CNTN1: variants seen among roughly 807,000 people sequenced by gnomAD.
CNTN1 encodes the protein contactin-1.
A neutral mutation model predicts 126.4 loss-of-function variants in CNTN1; 38 were observed. The ratio of observed to expected loss-of-function variants is 0.30; its 90% CI spans 0.23 to 0.39. The LOEUF (loss-of-function observed/expected upper bound fraction) is 0.39, where lower values mean the gene tolerates loss of function less well. CNTN1 is among the 10% of genes least tolerant of loss of function. CNTN1 has a pLI of 1.00. For synonymous variants in CNTN1, 413 were observed against 422.6 expected, an observed-to-expected ratio of 0.98 and a Z score of 0.28; for missense variants, 1,009 against 1,248.4, an observed-to-expected ratio of 0.81 and a Z score of 2.89.
chr12:41,032,723 G>T (rs112375944), intron 23 of CNTN1, among the ~76,000 whole-genome samples: 12 of 152,114 alleles, frequency 7.9e-5, no homozygotes, highest in Admixed American at 5.9e-4. Context: ...TTATATCATA[G>T]CACTGTTTAC....
chr12:40,912,807 T>C (rs1272117121), intron 3 of CNTN1, among the ~76,000 whole-genome samples: 1 of 152,222 alleles, frequency 6.6e-6, no homozygotes, highest in African/African-American at 2.4e-5. Flanking sequence ...ATTGACATTT[T>C]ATAGCAGTCA....
chr12:41,033,646 T>G (rs1278891810), intron 23 of CNTN1, among the ~76,000 whole-genome samples: 1 of 152,136 alleles, frequency 6.6e-6, no homozygotes, highest in African/African-American at 2.4e-5. Flanking sequence ...TTTTCTCACT[T>G]GGAAAATCAT....
At chr12:40,865,043 G>A (rs1485648510) in intron 1 of CNTN1, among the ~76,000 whole-genome samples, 1 of 152,144 alleles carries the variant, frequency 6.6e-6, no homozygotes, top group Non-Finnish European at 1.5e-5. Flanking sequence ...TGGGTGTGAA[G>A]TAATAGTTTA....
intron 1 of CNTN1, among the ~76,000 whole-genome samples, chr12:40,761,823 T>G (rs2136417482): frequency 6.6e-6 from 1 of 152,314 alleles, no homozygotes; most frequent in South Asian, 2.1e-4. Flanking sequence ...TAGGCTAAAC[T>G]TCTAAGCTTA....
intron 1 of CNTN1, among the ~76,000 whole-genome samples, chr12:40,866,567 C>T (rs1338424009): frequency 6.6e-6 from 1 of 152,000 alleles, no homozygotes; most frequent in African/African-American, 2.4e-5. Context: ...GCAGGGTGAT[C>T]ATATGGTTTT....
At chr12:41,016,372 G>A (rs1050821914) in intron 18 of CNTN1, among the ~76,000 whole-genome samples, 3 of 152,106 alleles carry the variant, frequency 2.0e-5, no homozygotes, top group Non-Finnish European at 4.4e-5. Context: ...ATTTTACCTC[G>A]GGAAAGTGAG....
chr12:40,787,480 A>G (rs1189298896), intron 1 of CNTN1, among the ~76,000 whole-genome samples: 2 of 152,166 alleles, frequency 1.3e-5, no homozygotes, highest in Non-Finnish European at 2.9e-5. Flanking sequence ...TGGATTTTTA[A>G]TAACTTCTAG....
intron 1 of CNTN1, among the ~76,000 whole-genome samples, chr12:40,886,498 T>G (rs1944035131): frequency 6.6e-6 from 1 of 152,178 alleles, no homozygotes; most frequent in East Asian, 1.9e-4. Flanking sequence ...TTGCAAAAAT[T>G]TTCTCCCATC....
intron 1 of CNTN1, among the ~76,000 whole-genome samples, chr12:40,777,309 T>C (rs371945985): frequency 4.0e-5 from 6 of 151,720 alleles, no homozygotes; most frequent in East Asian, 3.9e-4. Flanking sequence ...AAATTTCTTT[T>C]ATATATGAAA....
At chr12:40,846,501 C>T (rs1315153207) in intron 1 of CNTN1, among the ~76,000 whole-genome samples, 1 of 152,110 alleles carries the variant, frequency 6.6e-6, no homozygotes, top group Non-Finnish European at 1.5e-5. Context: ...TCCATGAAGT[C>T]CTGGCAGCAT....
chr12:40,717,227 G>C (rs1432664007), intron 1 of CNTN1, among the ~76,000 whole-genome samples: 1 of 152,106 alleles, frequency 6.6e-6, no homozygotes, highest in Non-Finnish European at 1.5e-5. Flanking sequence ...CTCTTTAACA[G>C]TCATTTGTAT....
intron 1 of CNTN1, among the ~76,000 whole-genome samples, chr12:40,702,240 T>C (rs1941614669): frequency 2.0e-5 from 3 of 151,570 alleles, no homozygotes; most frequent in African/African-American, 7.3e-5. Context: ...CTGGCCCAGA[T>C]TCCTTTTGTT....
chr12:40,871,186 G>GAAAAA (rs201485882), intron 1 of CNTN1, among the ~76,000 whole-genome samples: 7 of 113,556 alleles, frequency 6.2e-5, no homozygotes, highest in Admixed American at 1.0e-4. Context: ...CTGTTACAGA[G>GAAAAA]AAAAAAAAAA....
At position 40,886,061 on chromosome 12, in the gene CNTN1, C is replaced by T. The variant is rs143535971; in HGVS notation, c.-76-22296C>T. 2.2e-3 allele frequency among the ~76,000 whole-genome samples: 339 copies of T among 152,164 alleles called. 1 individual carries two copies. The highest frequency in any genetic ancestry group is 7.5e-3 in the African/African-American group (313 of 41,550). Reference sequence around the variant, plus strand: ...ATTTATCTTCTGCTTAGTCACTTTGCTGAACTCTTAATGTTCATATTTTAT... The same window carrying T: ...ATTTATCTTCTGCTTAGTCACTTTGTTGAACTCTTAATGTTCATATTTTAT... On this transcript the variant is annotated intron_variant, in intron 1 of 23. Transcript: ENST00000551295.
chr12:40,749,253 C>A (rs1463051239), intron 1 of CNTN1, among the ~76,000 whole-genome samples: 1 of 152,106 alleles, frequency 6.6e-6, no homozygotes, highest in African/African-American at 2.4e-5. Flanking sequence ...ATTGATTTCA[C>A]ATAGTGGACC....
intron 1 of CNTN1, among the ~76,000 whole-genome samples, chr12:40,878,457 TC>T (rs11320916): frequency 0.098 from 14,850 of 152,188 alleles, 853 homozygotes; most frequent in Non-Finnish European, 0.13. Context: ...CAATTTTTTC[TC>T]CAACTACAAA....
intron 1 of CNTN1, among the ~76,000 whole-genome samples, chr12:40,745,806 TCTTTC>T (rs1938157547): frequency 6.6e-6 from 1 of 152,128 alleles, no homozygotes; most frequent in South Asian, 2.1e-4. Context: ...TATTTTGATT[TCTTTC>T]CTTATCTGTC....
At chr12:40,746,839 C>T (rs1938205438) in intron 1 of CNTN1, among the ~76,000 whole-genome samples, 1 of 152,046 alleles carries the variant, frequency 6.6e-6, no homozygotes, top group Admixed American at 6.6e-5. Flanking sequence ...TGCTTGAGCC[C>T]ACTCACCCAG....
intron 1 of CNTN1, among the ~76,000 whole-genome samples, chr12:40,696,466 A>G (rs1010838911): frequency 1.3e-5 from 2 of 152,228 alleles, no homozygotes; most frequent in Non-Finnish European, 2.9e-5. Context: ...CTTCCAATTT[A>G]TAAGTCTATC....
Sources: gnomAD v4.1 joint callset for allele counts (sites outside exome capture counted in the v4.1 genomes callset) on GRCh38, gnomAD v4.1.1 for gene constraint, MANE v1.5 for transcripts, NCBI Gene and HGNC (gene_info 2026-07-23, HGNC 2026-07-21) for gene names.